TMEM178B: variants seen among roughly 807,000 people sequenced by gnomAD.
TMEM178B encodes transmembrane protein 178B.
TMEM178B carries 5 observed loss-of-function variants against 31.0 expected under a neutral mutation model. The observed-to-expected ratio is 0.16, with a 90% CI of 0.08 to 0.34. The LOEUF is 0.34. Ranked by LOEUF, TMEM178B falls within the 10% of genes least tolerant of loss-of-function variation. The pLI, the probability that TMEM178B is intolerant of heterozygous loss-of-function variation, is 1.00. For synonymous variants in TMEM178B, 164 were observed against 164.0 expected (o/e 1.00, Z 0.00); for missense variants, 275 against 400.3 (o/e 0.69, Z 2.67).
intron 1 of TMEM178B, among the ~76,000 whole-genome samples, chr7:141,142,405 T>G (rs1795786666): frequency 6.6e-6 from 1 of 151,924 alleles, no homozygotes; most frequent in South Asian, 2.1e-4. Context: ...CTTTTTTCTT[T>G]TCTTTCTTTT....
chr7:141,180,636 G>A (rs1322027942), intron 1 of TMEM178B, among the ~76,000 whole-genome samples: 1 of 152,060 alleles, frequency 6.6e-6, no homozygotes, highest in Non-Finnish European at 1.5e-5. Flanking sequence ...TAGACTTATT[G>A]TATCACATAA....
chr7:141,140,499 A>T (rs989227140), intron 1 of TMEM178B, among the ~76,000 whole-genome samples: 2 of 152,220 alleles, frequency 1.3e-5, no homozygotes, highest in Non-Finnish European at 1.5e-5. Flanking sequence ...AACATCTTAC[A>T]TTAGTGTGGT....
At chr7:141,277,554 A>T (rs1798285665) in intron 2 of TMEM178B, among the ~76,000 whole-genome samples, 1 of 152,184 alleles carries the variant, frequency 6.6e-6, no homozygotes, top group Non-Finnish European at 1.5e-5. Context: ...TTTTCAAAAA[A>T]TATATATAAG....
intron 2 of TMEM178B, among the ~76,000 whole-genome samples, chr7:141,278,933 A>G (rs567271271): frequency 1.3e-5 from 2 of 152,336 alleles, no homozygotes; most frequent in South Asian, 2.1e-4. Context: ...ATCCTTTATC[A>G]CCATTAGACC....
At chr7:141,428,639 G>A (rs116023818) in intron 2 of TMEM178B, among the ~76,000 whole-genome samples, 193 of 152,206 alleles carry the variant, frequency 1.3e-3, no homozygotes, top group African/African-American at 4.5e-3. Context: ...GCCACCCCAC[G>A]TGTGGACAGC....
intron 1 of TMEM178B, among the ~76,000 whole-genome samples, chr7:141,165,058 T>G (rs1489278364): frequency 6.6e-6 from 1 of 152,210 alleles, no homozygotes; most frequent in Admixed American, 6.5e-5. Flanking sequence ...GTATCCTTCC[T>G]TTAACTTTCC....
At chr7:141,120,166 G>A (rs1795386185) in intron 1 of TMEM178B, among the ~76,000 whole-genome samples, 1 of 152,228 alleles carries the variant, frequency 6.6e-6, no homozygotes, top group Non-Finnish European at 1.5e-5. Context: ...CAGAAGCCCT[G>A]CATGGAGTCT....
At chr7:141,185,265 G>A (rs1796591785) in intron 1 of TMEM178B, among the ~76,000 whole-genome samples, 1 of 152,218 alleles carries the variant, frequency 6.6e-6, no homozygotes, top group Non-Finnish European at 1.5e-5. Context: ...CCAGGACAGA[G>A]GGCTTTCTGT....
intron 3 of TMEM178B, among the ~76,000 whole-genome samples, chr7:141,469,890 G>T (rs1414434277): frequency 6.6e-6 from 1 of 152,192 alleles, no homozygotes; most frequent in Non-Finnish European, 1.5e-5. Context: ...CGTGGATGAT[G>T]CGTGTTCATG....
intron 1 of TMEM178B, among the ~76,000 whole-genome samples, chr7:141,131,065 T>C (rs1378258130): frequency 6.6e-6 from 1 of 152,234 alleles, no homozygotes; most frequent in Non-Finnish European, 1.5e-5. Context: ...CCTGGTAGAC[T>C]CTCAGTAAAT....
intron 2 of TMEM178B, among the ~76,000 whole-genome samples, chr7:141,288,006 A>G (rs1798475753): frequency 6.6e-6 from 1 of 152,078 alleles, no homozygotes; most frequent in African/African-American, 2.4e-5. Flanking sequence ...GTAGCTCAAA[A>G]ATTCTTTTAA....
intron 2 of TMEM178B, among the ~76,000 whole-genome samples, chr7:141,301,491 A>T (rs191607148): frequency 1.3e-5 from 2 of 152,206 alleles, no homozygotes; most frequent in Admixed American, 1.3e-4. Context: ...GGAGATAATG[A>T]GTAATCAAAA....
At chr7:141,192,103 T>G (rs1017750829) in intron 1 of TMEM178B, among the ~76,000 whole-genome samples, 31 of 152,218 alleles carry the variant, frequency 2.0e-4, no homozygotes, top group Non-Finnish European at 3.5e-4. Flanking sequence ...CCCTTACTGA[T>G]TTGAGATGCC....
At chr7:141,305,715 A>C (rs1421747770) in intron 2 of TMEM178B, among the ~76,000 whole-genome samples, 1 of 151,846 alleles carries the variant, frequency 6.6e-6, no homozygotes, top group Admixed American at 6.6e-5. Context: ...GATTACAGGC[A>C]TGAGCCACTG....
intron 1 of TMEM178B, among the ~76,000 whole-genome samples, chr7:141,094,239 G>C (rs1024417867): frequency 6.6e-6 from 1 of 152,170 alleles, no homozygotes; most frequent in African/African-American, 2.4e-5. Flanking sequence ...AGGTGAGGCA[G>C]GAAGAAAAAA....
chr7:141,280,769 G>A (rs1413854211), intron 2 of TMEM178B, among the ~76,000 whole-genome samples: 1 of 151,826 alleles, frequency 6.6e-6, no homozygotes, highest in Non-Finnish European at 1.5e-5. Context: ...GATTCCACGG[G>A]TCTGGGGTGA....
chr7:141,214,008 A>G (rs929053012), intron 2 of TMEM178B, among the ~76,000 whole-genome samples: 2 of 152,232 alleles, frequency 1.3e-5, no homozygotes, highest in Non-Finnish European at 1.5e-5. Context: ...ATGTGCTGGC[A>G]TTGAGCTAAG....
In TMEM178B at chr7:141,477,868, A is replaced by G. The variant is rs1414688658; in HGVS notation, c.*7082A>G. ...GACCTTGAGCTAGCAGCCAGTTTGCACTCAGAGTCCAGAGCCTTCTATCTA... is the reference window on the plus strand; with the variant it reads ...GACCTTGAGCTAGCAGCCAGTTTGCGCTCAGAGTCCAGAGCCTTCTATCTA... On this transcript the variant is annotated 3_prime_UTR_variant, in exon 4 of 4. Coordinates refer to ENST00000565468, the MANE Select transcript of TMEM178B (RefSeq NM_001195278.2). 1 of 152,120 alleles carries G rather than the reference A, an allele frequency of 6.6e-6. No individual in the cohort carries two copies. The highest frequency in any genetic ancestry group is 1.5e-5 in the Non-Finnish European group (1 of 68,058). The allele number at this position is 152,120 out of a possible 1,614,324, so 9.4% of individuals were successfully genotyped here. A position where few individuals can be genotyped will look rare whatever the true frequency, so the allele number is the denominator to read the frequency against.
At chr7:141,494,257 T>C in the TMEM178B span, among the ~76,000 whole-genome samples, 1 of 152,212 alleles carries the variant, frequency 6.6e-6, no homozygotes, top group Non-Finnish European at 1.5e-5. Context: ...TTTGTAACTT[T>C]TATTGAATTC....
Sources: gnomAD v4.1 joint callset for allele counts (sites outside exome capture counted in the v4.1 genomes callset) on GRCh38, gnomAD v4.1.1 for gene constraint, MANE v1.5 for transcripts, NCBI Gene and HGNC (gene_info 2026-07-23, HGNC 2026-07-21) for gene names.